KCNAB1: variants seen among roughly 807,000 people sequenced by gnomAD.
KCNAB1 encodes potassium voltage-gated channel subfamily A regulatory beta subunit 1.
KCNAB1 carries 35 observed loss-of-function variants against 64.6 expected under a neutral mutation model. The observed-to-expected ratio is 0.54, with a 90% CI of 0.41 to 0.72. The LOEUF (loss-of-function observed/expected upper bound fraction) is 0.72. KCNAB1 is among the 30% of genes least tolerant of loss of function. The probability of loss-of-function intolerance (pLI) is 0.00; values close to 1 mark genes in which losing one functional copy is unlikely to be tolerated. For missense variants in KCNAB1, 401 were observed against 512.9 expected (o/e 0.78, Z 2.11); for synonymous variants, 177 against 183.8 (o/e 0.96, Z 0.30).
intron 13 of KCNAB1, among the ~76,000 whole-genome samples, chr3:156,532,682 C>T (rs1158237374): frequency 6.6e-6 from 1 of 152,222 alleles, no homozygotes; most frequent in Non-Finnish European, 1.5e-5. Flanking sequence ...GTAATCACCT[C>T]TGCCTCTCTG....
chr3:156,261,145 G>A (rs1718407614), intron 1 of KCNAB1, among the ~76,000 whole-genome samples: 1 of 151,952 alleles, frequency 6.6e-6, no homozygotes, highest in Non-Finnish European at 1.5e-5. Context: ...TCTGAATACA[G>A]GTCCTTTATC....
At chr3:156,471,878 A>C (rs1003408342) in intron 7 of KCNAB1, among the ~76,000 whole-genome samples, 10 of 152,224 alleles carry the variant, frequency 6.6e-5, no homozygotes, top group Middle Eastern at 3.2e-3. Context: ...CACATGAAAG[A>C]CCAAAGCAGG....
chr3:156,314,337 A>C (rs900084853), intron 1 of KCNAB1, among the ~76,000 whole-genome samples: 10 of 152,208 alleles, frequency 6.6e-5, no homozygotes, highest in African/African-American at 2.4e-4. Flanking sequence ...TGTGTCATGC[A>C]TGTTACCAAG....
intron 8 of KCNAB1, among the ~76,000 whole-genome samples, chr3:156,484,868 A>G (rs1715086535): frequency 6.6e-6 from 1 of 151,956 alleles, no homozygotes; most frequent in African/African-American, 2.4e-5. Flanking sequence ...CTAAAAAAAT[A>G]TGAGGTCTGC....
chr3:156,424,261 C>G (rs1303376125), intron 2 of KCNAB1, among the ~76,000 whole-genome samples: 1 of 152,020 alleles, frequency 6.6e-6, no homozygotes, highest in Non-Finnish European at 1.5e-5. Flanking sequence ...ACATGAGGGT[C>G]CTGATGATGT....
chr3:156,163,337 A>T (rs758090785), intron 1 of KCNAB1, among the ~76,000 whole-genome samples: 3 of 151,992 alleles, frequency 2.0e-5, no homozygotes, highest in Admixed American at 6.6e-5. Context: ...GTTTTATGGA[A>T]TTTTTTTTAG....
chr3:156,530,782 G>A (rs2108424032), intron 12 of KCNAB1, among the ~76,000 whole-genome samples: 1 of 152,300 alleles, frequency 6.6e-6, no homozygotes, highest in East Asian at 1.9e-4. Flanking sequence ...TGGGAACCAA[G>A]GAACCAGAAA....
At chr3:156,509,079 A>G (rs12485798) in intron 8 of KCNAB1, among the ~76,000 whole-genome samples, 83,064 of 150,560 alleles carry the variant, frequency 0.55, 24,150 homozygotes, top group African/African-American at 0.74. Flanking sequence ...AGTGGGGCGG[A>G]GGGGAAAGAG....
At chr3:156,305,999 G>T (rs1721466911) in intron 1 of KCNAB1, among the ~76,000 whole-genome samples, 1 of 152,182 alleles carries the variant, frequency 6.6e-6, no homozygotes, top group African/African-American at 2.4e-5. Context: ...TTTACAAAGA[G>T]GGGGCAATGG....
At position 156,395,196 on chromosome 3, in the gene KCNAB1, C is replaced by T. The variant is rs114781628; in HGVS notation, c.276-26420C>T. 7.3e-3 allele frequency among the ~76,000 whole-genome samples: 1,107 copies of T among 152,178 alleles called. 8 individuals are homozygous for T. Among genetic ancestry groups the T allele is most frequent in the African/African-American group, 0.025 (1,055 of 41,502 alleles). ...TCAAAACAAATGGCTTGTTCTTCTT[C>T]TTGTGTACTTAATCAATAAATTTTC... On this transcript the variant is annotated intron_variant, in intron 1 of 13. Coordinates refer to ENST00000490337, the MANE Select transcript of KCNAB1 (RefSeq NM_172160.3).
chr3:156,333,027 T>G (rs1473430246), intron 1 of KCNAB1, among the ~76,000 whole-genome samples: 1 of 152,160 alleles, frequency 6.6e-6, no homozygotes, highest in Non-Finnish European at 1.5e-5. Context: ...GAAGCTGGCC[T>G]GAGATAAAAT....
At chr3:156,330,996 T>C (rs1388722516) in intron 1 of KCNAB1, among the ~76,000 whole-genome samples, 1 of 152,154 alleles carries the variant, frequency 6.6e-6, no homozygotes, top group African/African-American at 2.4e-5. Context: ...GTAGGGAGAC[T>C]GAACCTCCTT....
chr3:156,161,139 G>A (rs990663861), intron 1 of KCNAB1, among the ~76,000 whole-genome samples: 1 of 152,112 alleles, frequency 6.6e-6, no homozygotes, highest in African/African-American at 2.4e-5. Context: ...TTAACTGAGA[G>A]TAACCTCAAA....
At chr3:156,525,058 TTGATAA>T (rs920801988) in intron 12 of KCNAB1, among the ~76,000 whole-genome samples, 8 of 152,176 alleles carry the variant, frequency 5.3e-5, no homozygotes, top group Admixed American at 2.0e-4. Flanking sequence ...TACATAATAC[TTGATAA>T]TGATAATAAA....
intron 1 of KCNAB1, among the ~76,000 whole-genome samples, chr3:156,417,122 T>C (rs1208509642): frequency 6.6e-6 from 1 of 152,166 alleles, no homozygotes; most frequent in Non-Finnish European, 1.5e-5. Context: ...TTCATGGCTG[T>C]CAAAATGTAT....
At chr3:156,140,096 CCTTT>C (rs1287910275) in intron 1 of KCNAB1, among the ~76,000 whole-genome samples, 1 of 152,136 alleles carries the variant, frequency 6.6e-6, no homozygotes, top group African/African-American at 2.4e-5. Flanking sequence ...ATCTTTAAAA[CCTTT>C]CTAATACTTT....
At chr3:156,421,778 C>T (rs1715479442) in intron 2 of KCNAB1, 119 bp downstream of exon 2, 1 of 756,784 alleles carries the variant, frequency 1.3e-6, no homozygotes, top group Non-Finnish European at 2.2e-6. Context: ...GGCTTCCTGG[C>T]CAGTATTGCC....
At chr3:156,338,552 T>C (rs932396564) in intron 1 of KCNAB1, among the ~76,000 whole-genome samples, 5 of 152,086 alleles carry the variant, frequency 3.3e-5, no homozygotes, top group African/African-American at 1.2e-4. Flanking sequence ...CCTCAGGTGA[T>C]CCACCCACCT....
chr3:156,238,658 G>A (rs929324544), intron 1 of KCNAB1, among the ~76,000 whole-genome samples: 1 of 152,106 alleles, frequency 6.6e-6, no homozygotes, highest in African/African-American at 2.4e-5. Context: ...TGTTTAGACT[G>A]AAAGTTTGTA....
Sources: gnomAD v4.1 joint callset for allele counts (sites outside exome capture counted in the v4.1 genomes callset) on GRCh38, gnomAD v4.1.1 for gene constraint, MANE v1.5 for transcripts, NCBI Gene and HGNC (gene_info 2026-07-23, HGNC 2026-07-21) for gene names.